SHANK2: variants seen among roughly 807,000 people sequenced by gnomAD.
The protein encoded by SHANK2 is SH3 and multiple ankyrin repeat domains 2, also known as SH3 and multiple ankyrin repeat domains protein 2.
Under a neutral mutation model 133.7 loss-of-function variants are expected in SHANK2, and 43 were observed. That is an observed-to-expected ratio of 0.32 (90% confidence interval 0.25 to 0.41). SHANK2 has a LOEUF of 0.41. Among genes scored for constraint, SHANK2 ranks in the 10% least tolerant of loss-of-function variants. The pLI is 1.00. For missense variants in SHANK2, 1,994 were observed against 2,235.8 expected (o/e 0.89, Z 2.18); for synonymous variants, 1,017 against 952.8 (o/e 1.07, Z -1.24).
chr11:70,854,107 G>C (rs1555066397), intron 11 of SHANK2, among the ~76,000 whole-genome samples: 3 of 152,162 alleles, frequency 2.0e-5, no homozygotes, highest in Non-Finnish European at 4.4e-5. Context: ...TTGGGGAGTG[G>C]GGGAGAAGAA....
At chr11:70,555,449 A>G (rs2059816911) in intron 17 of SHANK2, among the ~76,000 whole-genome samples, 1 of 152,254 alleles carries the variant, frequency 6.6e-6, no homozygotes, top group Non-Finnish European at 1.5e-5. Flanking sequence ...GAAGGAAATT[A>G]AAAGTGCTAC....
chr11:71,174,293 A>T (rs188089635), intron 2 of SHANK2, among the ~76,000 whole-genome samples: 2 of 152,304 alleles, frequency 1.3e-5, no homozygotes, highest in African/African-American at 4.8e-5. Flanking sequence ...TAATCCCAGT[A>T]CTTCGAGAGG....
chr11:70,904,854 T>C (rs946411009), intron 10 of SHANK2, among the ~76,000 whole-genome samples: 1 of 152,204 alleles, frequency 6.6e-6, no homozygotes, highest in African/African-American at 2.4e-5. Context: ...AAGCTCTCTT[T>C]GCCTGCCGCC....
At chr11:70,614,923 C>T (rs1198790211) in intron 17 of SHANK2, among the ~76,000 whole-genome samples, 4 of 152,224 alleles carry the variant, frequency 2.6e-5, no homozygotes, top group Admixed American at 2.6e-4. Context: ...AGGAAGTGGG[C>T]AGCTATGCTG....
At chr11:70,549,208 AG>A (rs1460873969) in intron 17 of SHANK2, among the ~76,000 whole-genome samples, 1 of 152,186 alleles carries the variant, frequency 6.6e-6, no homozygotes, top group Non-Finnish European at 1.5e-5. Context: ...CGACTTACGT[AG>A]GTACTTATCA....
rs1323452558 is a variant in SHANK2 at position 71,175,598 on chromosome 11, GAGAGAC to G, written c.-12-28266_-12-28261del. 1.7e-3 allele frequency among the ~76,000 whole-genome samples: 184 copies of G among 107,346 alleles called. No individual in the cohort carries two copies. The highest frequency in any genetic ancestry group is 4.7e-3 in the African/African-American group (140 of 30,082). 70.4% of individuals were successfully genotyped at this position (107,346 alleles called of 152,430 possible). The stretch of plus-strand genomic sequence containing the variant: ...AGAGAGAGAGAGAGAGAGAGAGAGA[GAGAGAC>G]AGAGACAGAGACATCGCTTCCAGCC... On this transcript the variant is annotated intron_variant, in intron 2 of 25. Coordinates refer to ENST00000601538, the MANE Select transcript of SHANK2 (RefSeq NM_012309.5). This position sits in a 1 kb window ranked among gnomAD's most constrained non-coding sequence, Gnocchi z 4.2.
chr11:70,563,541 T>TC (rs1554981282), intron 17 of SHANK2, among the ~76,000 whole-genome samples: 1 of 148,924 alleles, frequency 6.7e-6, no homozygotes, highest in African/African-American at 2.5e-5. Context: ...TGTGGTCACT[T>TC]TTTTTTTTTT....
intron 17 of SHANK2, among the ~76,000 whole-genome samples, chr11:70,605,203 T>G (rs1394306296): frequency 2.0e-5 from 3 of 152,204 alleles, no homozygotes; most frequent in Non-Finnish European, 1.5e-5. Flanking sequence ...AATCTTAAAG[T>G]AAACATGCCT....
At chr11:70,948,448 C>T (rs1185778414) in intron 10 of SHANK2, 1 of 447,222 alleles carries the variant, frequency 2.2e-6, no homozygotes, top group Non-Finnish European at 4.6e-6. Context: ...CATAGATATG[C>T]ACCGAACATC....
intron 2 of SHANK2, among the ~76,000 whole-genome samples, chr11:71,170,582 C>T (rs577385240): frequency 9.4e-4 from 143 of 152,288 alleles, no homozygotes; most frequent in African/African-American, 3.2e-3. Context: ...TGGGTGTGTA[C>T]CTAACTTTCA....
chr11:71,110,369 C>T lies in SHANK2; in HGVS notation c.484-320G>A, dbSNP rs907782459. On this transcript the variant is annotated intron_variant, in intron 5 of 25. Transcript: ENST00000601538. Reference sequence around the variant, plus strand: ...AGGAGAATGGCATGAACCTGGGAGGCGGAGCTTGCAGTGAGCCGAGATCGC... The same window carrying T: ...AGGAGAATGGCATGAACCTGGGAGGTGGAGCTTGCAGTGAGCCGAGATCGC... Among the ~76,000 whole-genome samples the T allele has an allele frequency of 5.9e-5, 9 of 152,202 alleles. No homozygotes were observed. In the South Asian group the frequency reaches 6.2e-4, roughly 11 times the overall value.
chr11:70,871,286 C>T (rs1374457858), intron 11 of SHANK2, among the ~76,000 whole-genome samples: 2 of 152,210 alleles, frequency 1.3e-5, no homozygotes, highest in African/African-American at 4.8e-5. Context: ...GCAGGCTCTG[C>T]AGGAGATGAG....
At chr11:70,883,778 C>T (rs574931399) in intron 11 of SHANK2, among the ~76,000 whole-genome samples, 2 of 152,312 alleles carry the variant, frequency 1.3e-5, no homozygotes, top group Admixed American at 6.5e-5. Flanking sequence ...TGGGCTAGGA[C>T]ATGTGCCCTG....
At chr11:70,665,610 C>T (rs2134299146) in intron 15 of SHANK2, among the ~76,000 whole-genome samples, 1 of 152,328 alleles carries the variant, frequency 6.6e-6, no homozygotes, top group East Asian at 1.9e-4. Context: ...CTAAACAGCC[C>T]CCACTCCCCA....
chr11:71,107,396 CGGGGACCTGATGACACCA>C (rs375040367), intron 6 of SHANK2, among the ~76,000 whole-genome samples: 1 of 152,150 alleles, frequency 6.6e-6, no homozygotes, highest in Admixed American at 6.5e-5. Flanking sequence ...AGCCACTTAT[CGGGGACCTGATGACACCA>C]GGGGTTCCTC....
chr11:70,700,846 T>C (rs551136999), intron 14 of SHANK2, among the ~76,000 whole-genome samples: 217 of 152,150 alleles, frequency 1.4e-3, no homozygotes, highest in African/African-American at 4.9e-3. Context: ...AGCTGTGAGG[T>C]GGGAACACAT....
chr11:70,877,491 A>G (rs993840695), intron 11 of SHANK2, among the ~76,000 whole-genome samples: 16 of 152,280 alleles, frequency 1.1e-4, no homozygotes, highest in African/African-American at 3.8e-4. Context: ...TCAGGGAGAG[A>G]TCCCGGCTCC....
At chr11:70,667,770 T>C (rs1484980702) in intron 15 of SHANK2, 1 of 152,254 alleles carries the variant, frequency 6.6e-6, no homozygotes, top group Non-Finnish European at 1.5e-5. Context: ...TGAGGGGCTC[T>C]GGGTGGCTCT....
At chr11:71,077,078 C>G (rs1353262082) in intron 8 of SHANK2, among the ~76,000 whole-genome samples, 1 of 152,134 alleles carries the variant, frequency 6.6e-6, no homozygotes, top group Admixed American at 6.6e-5. Flanking sequence ...CCCCTCTAAG[C>G]TGCAACTGAC....
Sources: allele counts gnomAD v4.1 joint callset (sites outside exome capture counted in the v4.1 genomes callset), GRCh38; gene constraint gnomAD v4.1.1; non-coding constraint Gnocchi (gnomAD v3.1); transcripts MANE v1.5; gene names NCBI Gene and HGNC (gene_info 2026-07-23, HGNC 2026-07-21).